TIGIT: variants seen among roughly 807,000 people sequenced by gnomAD.
TIGIT encodes the protein T cell immunoreceptor with Ig and ITIM domains.
TIGIT carries 11 observed loss-of-function variants against 19.6 expected under a neutral mutation model. That is an observed-to-expected ratio of 0.56 (90% CI 0.35 to 0.93). The LOEUF (loss-of-function observed/expected upper bound fraction) is 0.93. Ranked by LOEUF, TIGIT falls within the 40% of genes least tolerant of loss-of-function variation. TIGIT has a pLI of 0.01. For missense variants in TIGIT, 295 were observed against 303.9 expected, an observed-to-expected ratio of 0.97 and a Z score of 0.22; for synonymous variants, 130 against 125.5, an observed-to-expected ratio of 1.04 and a Z score of -0.24.
At position 114,300,021 on chromosome 3, in the gene TIGIT, C is replaced by T. The variant is rs185426360; in HGVS notation, c.498+318C>T. Among the ~76,000 whole-genome samples, 385 of 152,230 alleles carry T rather than the reference C, an allele frequency of 2.5e-3. 3 individuals are homozygous for T. Among genetic ancestry groups the T allele is most frequent in the Middle Eastern group, 0.01 (3 of 294 alleles). ...TTTATCTACTATGATTTTGATGCATCGTGGGCATCTATATATGCTAGAGCT... is the reference window on the plus strand; with the variant it reads ...TTTATCTACTATGATTTTGATGCATTGTGGGCATCTATATATGCTAGAGCT... On this transcript the variant is annotated intron_variant, in intron 3 of 3. Transcript: ENST00000383671.
intron 3 of TIGIT, among the ~76,000 whole-genome samples, chr3:114,300,743 A>C (rs1430035698): frequency 1.3e-5 from 2 of 152,134 alleles, no homozygotes; most frequent in Admixed American, 1.3e-4. Context: ...TGATGAGTGC[A>C]TGCATGTGAG....
chr3:114,295,951 C>G, intron 2 of TIGIT, 77 bp downstream of exon 2: 2 of 1,178,970 alleles, frequency 1.7e-6, no homozygotes, highest in South Asian at 3.0e-5. Flanking sequence ...CACTGCACAG[C>G]AGGGCTTCTC....
intron 2 of TIGIT, among the ~76,000 whole-genome samples, chr3:114,296,773 C>T (rs896412005): frequency 2.0e-5 from 3 of 152,134 alleles, no homozygotes; most frequent in Non-Finnish European, 4.4e-5. Flanking sequence ...AAACTGCATC[C>T]TCAGAACTCC....
At chr3:114,302,113 G>A (rs1023117221) in intron 3 of TIGIT, among the ~76,000 whole-genome samples, 2 of 152,072 alleles carry the variant, frequency 1.3e-5, no homozygotes, top group Admixed American at 6.6e-5. Flanking sequence ...TTTGCTGGAG[G>A]GTCACAACCA....
chr3:114,303,741 C>G (rs971118143), intron 3 of TIGIT, among the ~76,000 whole-genome samples: 6 of 151,536 alleles, frequency 4.0e-5, no homozygotes, highest in African/African-American at 1.2e-4. Context: ...AATTGTGCTG[C>G]TTTTTGTATA....
At chr3:114,304,803 A>G (rs1378294982) in intron 3 of TIGIT, among the ~76,000 whole-genome samples, 1 of 152,188 alleles carries the variant, frequency 6.6e-6, no homozygotes, top group Admixed American at 6.5e-5. Flanking sequence ...CAGATGGTAT[A>G]AGAGAAGCAG....
rs1319991665 is a variant in TIGIT, at chr3:114,309,213, G to A, written c.*1082G>A. 6.6e-6 allele frequency: 1 copy of A among 152,182 alleles called. No homozygotes were observed. Among genetic ancestry groups the A allele is most frequent in the Non-Finnish European group, 1.5e-5 (1 of 68,032 alleles). 9.4% of individuals were successfully genotyped at this position (152,182 alleles called of 1,614,324 possible). A position where few individuals can be genotyped will look rare whatever the true frequency, so the allele number is the denominator to read the frequency against. ...AAAGGGGGGCTGGGAGTGATAGAGG[G>A]TTTAAAAAATAAACACCTTCAAACT... On this transcript the variant is annotated 3_prime_UTR_variant, in exon 4 of 4. Coordinates refer to ENST00000383671, the MANE Select transcript of TIGIT (RefSeq NM_173799.4).
Position 114,298,864 on chromosome 3 carries a change from G to A in TIGIT, c.392-733G>A, listed in dbSNP as rs981594908. On this transcript the variant is annotated intron_variant, in intron 2 of 3. Coordinates refer to ENST00000383671, the MANE Select transcript of TIGIT (RefSeq NM_173799.4). Reference sequence around the variant, plus strand: ...GGCAGACTGGAAACCTACCTACAGCGCAGCATGCATGGGGGTGATGGTGTT... The same window carrying A: ...GGCAGACTGGAAACCTACCTACAGCACAGCATGCATGGGGGTGATGGTGTT... Among the ~76,000 whole-genome samples the A allele has an allele frequency of 7.9e-5, 12 of 152,268 alleles. No homozygotes were observed. In the East Asian group the frequency reaches 9.7e-4, roughly 12 times the overall value.
intron 2 of TIGIT, among the ~76,000 whole-genome samples, chr3:114,296,890 C>CTTTTT (rs11289140): frequency 1.8e-5 from 2 of 112,880 alleles, no homozygotes; most frequent in African/African-American, 3.3e-5. Flanking sequence ...AATGTTACTT[C>CTTTTT]TTTTTTTTTT....
rs138322602 is a variant in TIGIT at position 114,294,066 on chromosome 3, G to T, written c.5G>T (p.Arg2Leu). 2.6e-6 allele frequency: 4 copies of T among 1,552,560 alleles called. No individual in the cohort carries two copies. In the African/African-American group the frequency reaches 4.1e-5, roughly 16 times the overall value. ...GTAGGCCCTCTGGGCAGAAGCATGC[G>T]CTGGTGTCTCCTCCTGATCTGGGCC... Reference protein sequence around the residue: MRWCLLLIWAQG... With the variant: MLWCLLLIWAQG... Residue 2 changes from arginine to leucine, a missense_variant, in exon 1 of 4, where the codon CGC becomes CTC. Physicochemically the swap from Arg to Leu is moderately radical, Grantham distance 102 (BLOSUM62 -2). Coordinates refer to ENST00000383671, the MANE Select transcript of TIGIT (RefSeq NM_173799.4).
intron 3 of TIGIT, among the ~76,000 whole-genome samples, chr3:114,302,287 A>C (rs2078497463): frequency 6.6e-6 from 1 of 152,256 alleles, no homozygotes; most frequent in African/African-American, 2.4e-5. Context: ...CATAGGGCAC[A>C]GAATAGGGTG....
chr3:114,305,826 ATGGT>A lies in TIGIT; in HGVS notation c.499-2065_499-2062del, dbSNP rs879762783. ...GATGGATGGATGGATGGATGGATGG[ATGGT>A]TGGATGGATGGATGGGTGGGTGGAT... On this transcript the variant is annotated intron_variant, in intron 3 of 3. Transcript: ENST00000383671. Among the ~76,000 whole-genome samples the A allele has an allele frequency of 6.2e-4, 93 of 149,098 alleles. 1 individual carries two copies. The East Asian group carries it at 7.7e-3, about 12-fold the overall frequency.
At chr3:114,295,500 C>T (rs760614452) in intron 1 of TIGIT, 45 bp from the exon 2 acceptor site, 25 of 1,526,064 alleles carry the variant, frequency 1.6e-5, no homozygotes, top group Non-Finnish European at 2.2e-5. Flanking sequence ...GGTTGAAGGC[C>T]AGCTGCTGAC....
intron 3 of TIGIT, among the ~76,000 whole-genome samples, chr3:114,306,293 A>G (rs919112046): frequency 6.6e-6 from 1 of 152,198 alleles, no homozygotes; most frequent in African/African-American, 2.4e-5. Context: ...TTACCTACTC[A>G]CTTCACTCAG....
intron 3 of TIGIT, among the ~76,000 whole-genome samples, chr3:114,303,516 TAC>T (rs66928179): frequency 0.048 from 2,830 of 59,298 alleles, 262 homozygotes; most frequent in African/African-American, 0.17. Context: ...TATATATATA[TAC>T]ACATATATAT....
intron 3 of TIGIT, among the ~76,000 whole-genome samples, chr3:114,303,496 TATATATATGTATATATATATACAC>T (rs1560033411): frequency 2.0e-5 from 1 of 49,012 alleles, no homozygotes; most frequent in South Asian, 1.2e-3. Context: ...ATGGTGTGTA[TATATATATGTATATATATATACAC>T]ATATATATGT....
intron 2 of TIGIT, among the ~76,000 whole-genome samples, chr3:114,297,205 A>G (rs17607100): frequency 0.03 from 4,513 of 152,242 alleles, 112 homozygotes; most frequent in South Asian, 0.081. Context: ...AAGACTGGTT[A>G]AGAGTTGAGG....
chr3:114,305,822 A>T lies in TIGIT; in HGVS notation c.499-2073A>T, dbSNP rs11926793. ...GATGGATGGATGGATGGATGGATGGATGGATGGTTGGATGGATGGATGGGT... is the reference window on the plus strand; with the variant it reads ...GATGGATGGATGGATGGATGGATGGTTGGATGGTTGGATGGATGGATGGGT... On this transcript the variant is annotated intron_variant, in intron 3 of 3. Transcript: ENST00000383671. Among the ~76,000 whole-genome samples, 92 of 127,854 alleles carry T rather than the reference A, an allele frequency of 7.2e-4. 1 individual carries two copies. The East Asian group carries it at 7.5e-3, about 10-fold the overall frequency. The allele number at this position is 127,854 out of a possible 152,430, so 83.9% of individuals were successfully genotyped here.
chr3:114,297,821 G>A (rs1242214717), intron 2 of TIGIT, among the ~76,000 whole-genome samples: 4 of 152,128 alleles, frequency 2.6e-5, no homozygotes. Flanking sequence ...TGTTCTATTG[G>A]ACCCCTGTGC....
Sources: allele counts gnomAD v4.1 joint callset (sites outside exome capture counted in the v4.1 genomes callset), GRCh38; gene constraint gnomAD v4.1.1; transcripts MANE v1.5; gene names NCBI Gene and HGNC (gene_info 2026-07-23, HGNC 2026-07-21).